Variants in NRG3 observed in about 807,000 individuals in gnomAD.
NRG3 encodes neuregulin 3, also known as pro-neuregulin-3, membrane-bound isoform.
NRG3 carries 31 observed loss-of-function variants against 66.9 expected under a neutral mutation model. The ratio of observed to expected loss-of-function variants is 0.46; its 90% confidence interval spans 0.35 to 0.63. The LOEUF (loss-of-function observed/expected upper bound fraction) is 0.63. Among genes scored for constraint, NRG3 ranks in the 20% least tolerant of loss-of-function variants. The pLI is 0.00. For synonymous variants in NRG3, 393 were observed against 359.4 expected, an observed-to-expected ratio of 1.09 and a Z score of -1.06; for missense variants, 910 against 878.9, an observed-to-expected ratio of 1.04 and a Z score of -0.45.
chr10:82,450,989 T>C (rs888027755), intron 2 of NRG3, among the ~76,000 whole-genome samples: 3 of 152,208 alleles, frequency 2.0e-5, no homozygotes, highest in Non-Finnish European at 2.9e-5. Flanking sequence ...ATTAAAAGCC[T>C]TATCATCTAC....
At chr10:82,273,867 C>T (rs2078717274) in intron 1 of NRG3, among the ~76,000 whole-genome samples, 1 of 151,874 alleles carries the variant, frequency 6.6e-6, no homozygotes, top group Non-Finnish European at 1.5e-5. Context: ...TTCCCCAGCC[C>T]CAGAAAGAAC....
At chr10:82,660,524 CATT>C (rs2052272946) in intron 2 of NRG3, among the ~76,000 whole-genome samples, 1 of 152,128 alleles carries the variant, frequency 6.6e-6, no homozygotes, top group Non-Finnish European at 1.5e-5. Flanking sequence ...AAATTAAAGA[CATT>C]AATGTAAAGT....
chr10:82,100,070 T>C (rs899951766), intron 1 of NRG3, among the ~76,000 whole-genome samples: 1 of 151,796 alleles, frequency 6.6e-6, no homozygotes, highest in African/African-American at 2.4e-5. Flanking sequence ...TTTAATTAGG[T>C]CTTCTTTAAT....
chr10:81,899,909 G>C (rs1843872200), intron 1 of NRG3, among the ~76,000 whole-genome samples: 1 of 152,102 alleles, frequency 6.6e-6, no homozygotes, highest in South Asian at 2.1e-4. Context: ...AAGGTTGGTG[G>C]GAGGAGAATC....
chr10:82,152,429 C>T (rs1210574939), intron 1 of NRG3, among the ~76,000 whole-genome samples: 2 of 152,106 alleles, frequency 1.3e-5, no homozygotes, highest in Non-Finnish European at 2.9e-5. Context: ...AAGTTAAGTA[C>T]GTTTGGCCAA....
At chr10:82,751,109 A>C (rs2134938219) in intron 3 of NRG3, among the ~76,000 whole-genome samples, 1 of 152,266 alleles carries the variant, frequency 6.6e-6, no homozygotes, top group African/African-American at 2.4e-5. Context: ...TAGAACCAGC[A>C]CTGGATCTTC....
intron 1 of NRG3, among the ~76,000 whole-genome samples, chr10:82,206,961 A>G (rs2075149309): frequency 6.6e-6 from 1 of 152,236 alleles, no homozygotes; most frequent in South Asian, 2.1e-4. Flanking sequence ...GAAGCAGCTC[A>G]GGCCCTTGTC....
chr10:82,065,619 A>T (rs1281133306), intron 1 of NRG3, among the ~76,000 whole-genome samples: 3 of 152,184 alleles, frequency 2.0e-5, no homozygotes, highest in Non-Finnish European at 4.4e-5. Flanking sequence ...AGACTACTGC[A>T]TTGGGGTTAT....
At chr10:82,193,700 T>C (rs749763345) in intron 1 of NRG3, among the ~76,000 whole-genome samples, 2 of 152,184 alleles carry the variant, frequency 1.3e-5, no homozygotes, top group Non-Finnish European at 2.9e-5. Context: ...CGAATGGTGC[T>C]AGGCTTTTGG....
intron 4 of NRG3, among the ~76,000 whole-genome samples, chr10:82,870,929 G>A (rs959527125): frequency 1.3e-5 from 2 of 152,048 alleles, no homozygotes; most frequent in African/African-American, 4.8e-5. Flanking sequence ...TTTTAATAAA[G>A]TCCAGATTAT....
intron 1 of NRG3, among the ~76,000 whole-genome samples, chr10:81,973,165 T>C (rs10786788): frequency 0.46 from 69,491 of 151,946 alleles, 20,109 homozygotes; most frequent in African/African-American, 0.78. Flanking sequence ...TGCAGCATTT[T>C]GTTTTCTGTT....
At chr10:82,093,503 G>A (rs2066151024) in intron 1 of NRG3, among the ~76,000 whole-genome samples, 1 of 152,164 alleles carries the variant, frequency 6.6e-6, no homozygotes, top group Non-Finnish European at 1.5e-5. Flanking sequence ...AATTACTGGG[G>A]CATTATGAAA....
chr10:82,563,894 GAA>G, intron 2 of NRG3, among the ~76,000 whole-genome samples: 1 of 152,072 alleles, frequency 6.6e-6, no homozygotes, highest in South Asian at 2.1e-4. Flanking sequence ...TTTAATAACT[GAA>G]GTGTTATTCA....
chr10:82,866,478 A>G (rs571248741), intron 4 of NRG3, among the ~76,000 whole-genome samples: 1 of 152,248 alleles, frequency 6.6e-6, no homozygotes, highest in Non-Finnish European at 1.5e-5. Flanking sequence ...TTTATACCGG[A>G]ATTGGTGTTC....
chr10:82,362,796 A>T (rs1009443352), intron 2 of NRG3, among the ~76,000 whole-genome samples: 5 of 152,040 alleles, frequency 3.3e-5, no homozygotes, highest in African/African-American at 1.2e-4. Context: ...ACCAGAGGAA[A>T]ATGAGAGACT....
At chr10:82,675,019 G>A (rs1482528365) in intron 2 of NRG3, among the ~76,000 whole-genome samples, 7 of 151,332 alleles carry the variant, frequency 4.6e-5, no homozygotes, top group Non-Finnish European at 8.8e-5. Flanking sequence ...GAGTGCAATG[G>A]CGCGCCTCGG....
chr10:81,972,691 T>C (rs1052204428), intron 1 of NRG3, among the ~76,000 whole-genome samples: 4 of 152,116 alleles, frequency 2.6e-5, no homozygotes, highest in Admixed American at 1.3e-4. Flanking sequence ...GTGGGGCAAC[T>C]TCAAACATCC....
At chr10:81,882,657 A>C (rs973137840) in intron 1 of NRG3, among the ~76,000 whole-genome samples, 1 of 152,184 alleles carries the variant, frequency 6.6e-6, no homozygotes, top group African/African-American at 2.4e-5. Context: ...TGAAATGGGA[A>C]GTAGATAGAC....
At chr10:82,070,713 A>G (rs1047989483) in intron 1 of NRG3, among the ~76,000 whole-genome samples, 1 of 152,186 alleles carries the variant, frequency 6.6e-6, no homozygotes, top group Non-Finnish European at 1.5e-5. Flanking sequence ...GTCACAAAAG[A>G]AGAAATAAAA....
Sources: allele counts gnomAD v4.1 joint callset (sites outside exome capture counted in the v4.1 genomes callset), GRCh38; gene constraint gnomAD v4.1.1; transcripts MANE v1.5; gene names NCBI Gene and HGNC (gene_info 2026-07-23, HGNC 2026-07-21).